Variants in PACRG observed in about 807,000 individuals in gnomAD.
PACRG encodes the protein parkin coregulated gene protein.
In PACRG, 29 loss-of-function variants were observed where a neutral mutation model predicts 29.7. The ratio of observed to expected loss-of-function variants is 0.98; its 90% CI spans 0.73 to 1.33. PACRG has a LOEUF of 1.33. Among genes scored for constraint, PACRG ranks in the 40% most tolerant of loss-of-function variants. The probability of loss-of-function intolerance (pLI) is 0.00; values close to 1 mark genes in which losing one functional copy is unlikely to be tolerated. For missense variants in PACRG, 279 were observed against 316.2 expected, an observed-to-expected ratio of 0.88 and a Z score of 0.89; for synonymous variants, 116 against 118.7, an observed-to-expected ratio of 0.98 and a Z score of 0.15.
intron 2 of PACRG, among the ~76,000 whole-genome samples, chr6:162,873,131 A>G (rs1204062831): frequency 3.3e-5 from 5 of 152,180 alleles, no homozygotes; most frequent in Non-Finnish European, 5.9e-5. Context: ...TACAGGTATT[A>G]TTTATACGTA....
intron 4 of PACRG, among the ~76,000 whole-genome samples, chr6:163,130,543 C>T (rs760032981): frequency 6.6e-6 from 1 of 152,202 alleles, no homozygotes; most frequent in Non-Finnish European, 1.5e-5. Context: ...CATCTGACCA[C>T]AGCACCTCCA....
intron 2 of PACRG, among the ~76,000 whole-genome samples, chr6:163,014,466 C>G (rs964371371): frequency 9.2e-5 from 14 of 152,052 alleles, no homozygotes; most frequent in African/African-American, 3.4e-4. Context: ...AATTTACATT[C>G]TCACCAACAG....
intron 2 of PACRG, among the ~76,000 whole-genome samples, chr6:162,985,144 CA>C (rs1207762925): frequency 6.6e-6 from 1 of 151,942 alleles, no homozygotes; most frequent in Admixed American, 6.6e-5. Context: ...GAATTGGTAC[CA>C]ATCATATTGA....
intron 2 of PACRG, among the ~76,000 whole-genome samples, chr6:162,820,527 A>G (rs1223985964): frequency 6.6e-6 from 1 of 152,168 alleles, no homozygotes; most frequent in Non-Finnish European, 1.5e-5. Context: ...AGTAAATCAC[A>G]CTGTGATGTG....
rs149104022 is a variant in PACRG, at chr6:162,934,752, C to T, written c.291+120471C>T. Among the ~76,000 whole-genome samples, 407 of 152,072 alleles carry T rather than the reference C, an allele frequency of 2.7e-3. 2 individuals carry two copies. Among genetic ancestry groups the T allele is most frequent in the Non-Finnish European group, 4.3e-3 (294 of 68,000 alleles). On this transcript the variant is annotated intron_variant, in intron 2 of 4. Transcript: ENST00000366888. ...TCTCTTTCTCATTTGTGTATTGTGG[C>T]AGAATATGAAACTCTGCCAATGAGT... is the stretch of plus-strand genomic sequence containing the variant.
At chr6:162,977,126 G>A (rs982198448) in intron 2 of PACRG, among the ~76,000 whole-genome samples, 1 of 151,788 alleles carries the variant, frequency 6.6e-6, no homozygotes, top group African/African-American at 2.4e-5. Context: ...TTAAAATTTT[G>A]TACAGCTAAA....
chr6:163,137,749 G>A (rs1217262878), intron 4 of PACRG, among the ~76,000 whole-genome samples: 1 of 152,250 alleles, frequency 6.6e-6, no homozygotes, highest in African/African-American at 2.4e-5. Flanking sequence ...CCCTAAGAGA[G>A]ACACGTTTGA....
chr6:162,874,150 A>AT (rs1562685918), intron 2 of PACRG, among the ~76,000 whole-genome samples: 1,272 of 110,372 alleles, frequency 0.012, 11 homozygotes, highest in East Asian at 0.041. Flanking sequence ...AAAAAAAAAA[A>AT]AATATATATA....
intron 2 of PACRG, among the ~76,000 whole-genome samples, chr6:162,857,065 T>G (rs1446478110): frequency 6.6e-6 from 1 of 152,154 alleles, no homozygotes; most frequent in Non-Finnish European, 1.5e-5. Context: ...GCTTTGAGCC[T>G]TTTTCTATAA....
Position 163,055,585 on chromosome 6 carries a change from T to TA in PACRG, c.292-6559dup, listed in dbSNP as rs201646482. Among the ~76,000 whole-genome samples, 8 of 152,360 alleles carry TA rather than the reference T, an allele frequency of 5.3e-5. No individual in the cohort carries two copies. In the East Asian group the frequency reaches 1.5e-3, roughly 29 times the overall value. ...GGAAGTAGAACTGTATCTACTGTGT[T>TA]AAAAAAGTTTGTGTCTCAAAATATA... On this transcript the variant is annotated intron_variant, in intron 2 of 4. Coordinates refer to ENST00000366888, the MANE Select transcript of PACRG (RefSeq NM_001080379.2). The surrounding 1 kb of genome is among the most constrained non-coding windows in gnomAD (Gnocchi z 4.0).
At chr6:162,963,908 C>T (rs1463350007) in intron 2 of PACRG, among the ~76,000 whole-genome samples, 1 of 152,092 alleles carries the variant, frequency 6.6e-6, no homozygotes, top group Admixed American at 6.6e-5. Flanking sequence ...ACCTTTCTAG[C>T]ACTATTTTAA....
At chr6:162,772,810 A>G (rs1489148674) in intron 1 of PACRG, among the ~76,000 whole-genome samples, 2 of 152,220 alleles carry the variant, frequency 1.3e-5, no homozygotes, top group Non-Finnish European at 2.9e-5. Flanking sequence ...AATAGAGGAC[A>G]GATTTAGTTT....
upstream of PACRG, chr6:162,727,325 C>CGGCGGCGGGGCGCAGGTGAGGGGG: frequency 2.6e-6 from 1 of 378,342 alleles, no homozygotes; most frequent in East Asian, 5.0e-5. Flanking sequence ...AGGTGAGGGG[C>CGGCGGCGGGGCGCAGGTGAGGGGG]GGCGGCGGGG....
intron 2 of PACRG, among the ~76,000 whole-genome samples, chr6:162,830,894 G>A (rs1041358677): frequency 3.9e-5 from 6 of 152,246 alleles, no homozygotes; most frequent in Non-Finnish European, 8.8e-5. Context: ...CACGTTCTCA[G>A]CTCTCCTTTA....
At chr6:162,727,373 G>T (rs1248028902), upstream of PACRG, 15 of 438,210 alleles carry the variant, frequency 3.4e-5, no homozygotes, top group Non-Finnish European at 5.6e-5. Context: ...GGGGGACCGC[G>T]AACGAGGAGC....
intron 4 of PACRG, among the ~76,000 whole-genome samples, chr6:163,135,137 C>T (rs1409826849): frequency 6.6e-6 from 1 of 151,710 alleles, no homozygotes; most frequent in Non-Finnish European, 1.5e-5. Flanking sequence ...TCTTATGCAT[C>T]ATTATTACTT....
At chr6:162,733,387 AT>A (rs1779919749) in intron 1 of PACRG, among the ~76,000 whole-genome samples, 1 of 152,242 alleles carries the variant, frequency 6.6e-6, no homozygotes, top group African/African-American at 2.4e-5. Flanking sequence ...CTAACAGTGT[AT>A]TCAATAAATA....
At chr6:162,740,927 T>G (rs1780544536) in intron 1 of PACRG, among the ~76,000 whole-genome samples, 1 of 152,126 alleles carries the variant, frequency 6.6e-6, no homozygotes, top group Non-Finnish European at 1.5e-5. Context: ...CTTAATTTGC[T>G]AAGGGTGTTT....
At chr6:163,101,108 G>A in intron 4 of PACRG, 1 of 981,578 alleles carries the variant, frequency 1.0e-6, no homozygotes, top group Non-Finnish European at 1.2e-6. Flanking sequence ...TCCATTCAGT[G>A]ACTTTTAATT....
Sources: gnomAD v4.1 joint callset for allele counts (sites outside exome capture counted in the v4.1 genomes callset) on GRCh38, gnomAD v4.1.1 for gene constraint, Gnocchi (gnomAD v3.1) non-coding constraint, MANE v1.5 for transcripts, NCBI Gene and HGNC (gene_info 2026-07-23, HGNC 2026-07-21) for gene names.